The following MGST1 variants were observed in gnomAD, a reference collection of about 807,000 sequenced individuals.
MGST1 encodes the protein glutathione S-transferase 12.
In MGST1, 5 loss-of-function variants were observed where a neutral mutation model predicts 8.9. That is an observed-to-expected ratio of 0.56 (90% CI 0.29 to 1.19). The LOEUF (loss-of-function observed/expected upper bound fraction) is 1.19. Among genes scored for constraint, MGST1 ranks in the 50% most tolerant of loss-of-function variants. The pLI is 0.08. For missense variants in MGST1, 182 were observed against 187.4 expected, an observed-to-expected ratio of 0.97 and a Z score of 0.17; for synonymous variants, 54 against 67.8, an observed-to-expected ratio of 0.80 and a Z score of 1.00.
At chr12:16,514,751 G>A (rs1392563566) in intron 4 of MGST1, among the ~76,000 whole-genome samples, 1 of 152,228 alleles carries the variant, frequency 6.6e-6, no homozygotes, top group Admixed American at 6.5e-5. Flanking sequence ...ATGAGAGAGG[G>A]TGGATGGTAG....
chr12:16,519,497 A>C (rs1390546393), intron 4 of MGST1, among the ~76,000 whole-genome samples: 1 of 152,172 alleles, frequency 6.6e-6, no homozygotes, highest in African/African-American at 2.4e-5. Context: ...GCTGGCATTC[A>C]AGTATATGCA....
At chr12:16,593,246 C>A (rs1354525904), downstream of MGST1, among the ~76,000 whole-genome samples, 1 of 151,842 alleles carries the variant, frequency 6.6e-6, no homozygotes, top group African/African-American at 2.4e-5. The surrounding 1 kb of genome is among the most constrained non-coding windows in gnomAD (Gnocchi z 4.2). Context: ...TGCTCTTCTG[C>A]AAATACTCTT....
Position 16,480,142 on chromosome 12 carries a change from C to CTT in MGST1, n.482+96555_482+96556dup, listed in dbSNP as rs57998683. Among the ~76,000 whole-genome samples the CTT allele has an allele frequency of 1.6e-3, 209 of 129,912 alleles. 1 individual carries two copies. Among genetic ancestry groups the CTT allele is most frequent in the East Asian group, 2.7e-3 (12 of 4,376 alleles). 85.2% of individuals were successfully genotyped at this position (129,912 alleles called of 152,430 possible). A position where few individuals can be genotyped will look rare whatever the true frequency, so the allele number is the denominator to read the frequency against. Reference sequence around the variant, plus strand: ...TTCATTAAAATAAAATAAAAATTTGCTTTTTTTTTTTTTTTTTTGAGACGG... The same window carrying CTT: ...TTCATTAAAATAAAATAAAAATTTGCTTTTTTTTTTTTTTTTTTTTGAGACGG... On this transcript the variant is annotated intron_variant and non_coding_transcript_variant, in intron 4 of 4. Coordinates refer to the MGST1 transcript ENST00000538857.
Position 16,385,692 on chromosome 12 carries a change from C to CT in MGST1, n.778+2104dup, listed in dbSNP as rs11290450. On this transcript the variant is annotated intron_variant and non_coding_transcript_variant, in intron 1 of 1. Transcript: ENST00000359720. Reference sequence around the variant, plus strand: ...AGCCCGTCTCTTTTCAAAGGGCTTTCTTTTTTTTTTTTTTTTCCTCAATCT... The same window carrying CT: ...AGCCCGTCTCTTTTCAAAGGGCTTTCTTTTTTTTTTTTTTTTTCCTCAATCT... 1.3e-3 allele frequency among the ~76,000 whole-genome samples: 184 copies of CT among 138,372 alleles called. 1 individual carries two copies. Among genetic ancestry groups the CT allele is most frequent in the South Asian group, 3.0e-3 (13 of 4,280 alleles). The allele number at this position is 138,372 out of a possible 152,430, so 90.8% of individuals were successfully genotyped here.
rs148459624 is a variant in MGST1 at position 16,444,843 on chromosome 12, C to T, written n.482+61239C>T. 3.0e-3 allele frequency among the ~76,000 whole-genome samples: 458 copies of T among 151,876 alleles called. 2 individuals carry two copies. Among genetic ancestry groups the T allele is most frequent in the Middle Eastern group, 0.01 (3 of 294 alleles). On this transcript the variant is annotated intron_variant and non_coding_transcript_variant, in intron 4 of 4. Transcript: ENST00000538857. ...TTGATGGGTCTAACAGAAGTGAGCT[C>T]GTGGACAGTTTCAGACAGACTCATG...
chr12:16,369,660 A>G lies in MGST1; in HGVS notation c.222-6462A>G, dbSNP rs532947187. 1.8e-4 allele frequency: 28 copies of G among 152,298 alleles called. No individual in the cohort carries two copies. Among genetic ancestry groups the G allele is most frequent in the African/African-American group, 6.5e-4 (27 of 41,566 alleles). 9.4% of individuals were successfully genotyped at this position (152,298 alleles called of 1,614,324 possible). A position where few individuals can be genotyped will look rare whatever the true frequency, so the allele number is the denominator to read the frequency against. On this transcript the variant is annotated intron_variant, in intron 3 of 3. Coordinates refer to the MGST1 transcript ENST00000535309. This position sits in a 1 kb window ranked among gnomAD's most constrained non-coding sequence, Gnocchi z 4.8. ...TTCCTGCAACTGCTTTTGTGTCACA[A>G]TGGCAGAGTGGCGTAGTTGAATTGT... is the stretch of plus-strand genomic sequence containing the variant.
intron 4 of MGST1, chr12:16,550,121 C>T (rs764246297): frequency 2.6e-5 from 4 of 151,886 alleles, no homozygotes; most frequent in Non-Finnish European, 4.4e-5. Flanking sequence ...TATGTTGCTC[C>T]GATCAAAAGT....
At chr12:16,420,165 T>G (rs933320290) in intron 1 of MGST1, among the ~76,000 whole-genome samples, 1 of 152,162 alleles carries the variant, frequency 6.6e-6, no homozygotes, top group Non-Finnish European at 1.5e-5. Flanking sequence ...ATTTAATGAG[T>G]GACTTAAAAA....
chr12:16,381,374 T>G (rs112795343), downstream of MGST1, among the ~76,000 whole-genome samples: 1 of 152,266 alleles, frequency 6.6e-6, no homozygotes, highest in Admixed American at 6.5e-5. Flanking sequence ...GTCTGTAAAG[T>G]ATTTTATTTC....
chr12:16,545,083 C>G (rs1941815507), intron 4 of MGST1, among the ~76,000 whole-genome samples: 2 of 151,644 alleles, frequency 1.3e-5, no homozygotes, highest in South Asian at 4.2e-4. Flanking sequence ...AAAAATGGCC[C>G]ATTGTGAGAA....
chr12:16,415,455 G>A (rs1940779947), intron 1 of MGST1, among the ~76,000 whole-genome samples: 1 of 152,110 alleles, frequency 6.6e-6, no homozygotes, highest in Non-Finnish European at 1.5e-5. Context: ...TGCCACCCCT[G>A]AGAGAGTTAG....
chr12:16,459,462 G>A (rs1160511955), intron 4 of MGST1, among the ~76,000 whole-genome samples: 1 of 152,104 alleles, frequency 6.6e-6, no homozygotes, highest in Non-Finnish European at 1.5e-5. Context: ...CCTTTGGTTA[G>A]CCTGAGTTAC....
intron 4 of MGST1, among the ~76,000 whole-genome samples, chr12:16,470,381 T>A (rs1227410984): frequency 6.6e-6 from 1 of 152,226 alleles, no homozygotes; most frequent in African/African-American, 2.4e-5. Flanking sequence ...GAGTTTGCTT[T>A]TTTGAACAAT....
In MGST1 at chr12:16,410,464, A is replaced by C. The variant is rs1434867448; in HGVS notation, n.778+26860A>C. On this transcript the variant is annotated intron_variant and non_coding_transcript_variant, in intron 1 of 1. Coordinates refer to the MGST1 transcript ENST00000359720. This position sits in a 1 kb window ranked among gnomAD's most constrained non-coding sequence, Gnocchi z 4.4. ...CTAAATCTGCAAATATGATGCACTC[A>C]GTTCTATAGACGCTAGTCAGATTTG... is the stretch of plus-strand genomic sequence containing the variant. 1.3e-5 allele frequency among the ~76,000 whole-genome samples: 2 copies of C among 151,904 alleles called. No homozygotes were observed. The highest frequency in any genetic ancestry group is 2.9e-5 in the Non-Finnish European group (2 of 67,988).
intron 3 of MGST1, among the ~76,000 whole-genome samples, chr12:16,374,979 CA>C (rs1940356286): frequency 6.6e-6 from 1 of 152,146 alleles, no homozygotes; most frequent in Non-Finnish European, 1.5e-5. Context: ...CTCCTGGGCT[CA>C]AGCGATCCTC....
intron 4 of MGST1, among the ~76,000 whole-genome samples, chr12:16,567,193 C>A (rs1041553663): frequency 1.4e-5 from 2 of 142,020 alleles, no homozygotes; most frequent in African/African-American, 2.8e-5. Context: ...TGAAACTCCA[C>A]CTCAAAACAA....
chr12:16,479,006 C>A (rs905841964), intron 4 of MGST1, among the ~76,000 whole-genome samples: 11 of 152,012 alleles, frequency 7.2e-5, no homozygotes, highest in African/African-American at 2.7e-4. Context: ...TGCATTGTGT[C>A]TTTATGAATT....
intron 4 of MGST1, among the ~76,000 whole-genome samples, chr12:16,523,521 C>A (rs1009764795): frequency 2.0e-5 from 3 of 152,076 alleles, no homozygotes; most frequent in African/African-American, 7.2e-5. Flanking sequence ...CATACTCTCA[C>A]AGCCATTCAC....
intron 4 of MGST1, among the ~76,000 whole-genome samples, chr12:16,530,872 A>G (rs1338287238): frequency 2.0e-5 from 3 of 152,102 alleles, no homozygotes; most frequent in African/African-American, 7.2e-5. Context: ...TTAGAGCTTC[A>G]CTAAAAGTAA....
Sources: allele counts gnomAD v4.1 joint callset (sites outside exome capture counted in the v4.1 genomes callset), GRCh38; gene constraint gnomAD v4.1.1; non-coding constraint Gnocchi (gnomAD v3.1); transcripts MANE v1.5; gene names NCBI Gene and HGNC (gene_info 2026-07-23, HGNC 2026-07-21).